PLCXD2: variants seen among roughly 807,000 people sequenced by gnomAD.
PLCXD2 encodes PI-PLC X domain-containing protein 2.
In PLCXD2, 21 loss-of-function variants were observed where a neutral mutation model predicts 28.6. That is an observed-to-expected ratio of 0.73 (90% CI 0.52 to 1.06). The LOEUF (loss-of-function observed/expected upper bound fraction) is 1.06, where lower values mean the gene tolerates loss of function less well. PLCXD2 is among the 50% of genes least tolerant of loss of function. The probability of loss-of-function intolerance (pLI) is 0.00; values close to 1 mark genes in which losing one functional copy is unlikely to be tolerated. For missense variants in PLCXD2, 369 were observed against 376.7 expected, an observed-to-expected ratio of 0.98 and a Z score of 0.17; for synonymous variants, 140 against 150.1, an observed-to-expected ratio of 0.93 and a Z score of 0.49.
chr3:111,726,086 C>T (rs953846813), intron 3 of PLCXD2: 15 of 387,948 alleles, frequency 3.9e-5, no homozygotes, highest in Non-Finnish European at 6.4e-5. Flanking sequence ...GGGACCAATA[C>T]TTAATTCAAA....
intron 3 of PLCXD2, among the ~76,000 whole-genome samples, chr3:111,718,499 A>G (rs1202049279): frequency 1.9e-5 from 2 of 105,524 alleles, no homozygotes; most frequent in African/African-American, 3.6e-5. Flanking sequence ...GATGATAGAT[A>G]GATAGATAGA....
At chr3:111,690,836 T>G (rs989305754) in intron 1 of PLCXD2, among the ~76,000 whole-genome samples, 1 of 152,224 alleles carries the variant, frequency 6.6e-6, no homozygotes, top group African/African-American at 2.4e-5. Context: ...TTAAAATAAC[T>G]CTGCCCTGTG....
chr3:111,691,232 G>T (rs900056726), intron 1 of PLCXD2: 23 of 152,208 alleles, frequency 1.5e-4, no homozygotes, highest in African/African-American at 5.5e-4. Flanking sequence ...TTATTTCTTT[G>T]CAATGATGAA....
intron 3 of PLCXD2, among the ~76,000 whole-genome samples, chr3:111,716,571 T>C (rs13086018): frequency 0.16 from 24,215 of 152,080 alleles, 2,296 homozygotes; most frequent in East Asian, 0.32. Flanking sequence ...CATGGCACTC[T>C]CACTGAAATC....
At position 111,694,357 on chromosome 3, in the gene PLCXD2, C is replaced by T. The variant is rs936268717; in HGVS notation, c.164-13569C>T. ...GTTGGTGCTCAGCAAACAGAAGATA[C>T]TCCAGCTACCAGTATTCACTGTGCT... is the stretch of plus-strand genomic sequence containing the variant. On this transcript the variant is annotated intron_variant, in intron 1 of 4. Coordinates refer to ENST00000477665, the MANE Select transcript of PLCXD2 (RefSeq NM_001185106.1). Among the ~76,000 whole-genome samples the T allele has an allele frequency of 4.6e-5, 7 of 152,212 alleles. No homozygotes were observed. The East Asian group carries it at 1.2e-3, about 25-fold the overall frequency.
chr3:111,686,175 T>C (rs111556147), intron 1 of PLCXD2, among the ~76,000 whole-genome samples: 19 of 152,310 alleles, frequency 1.2e-4, no homozygotes, highest in African/African-American at 4.6e-4. Context: ...GTCTAAAAAG[T>C]ACCCTGTAAA....
intron 1 of PLCXD2, among the ~76,000 whole-genome samples, chr3:111,683,188 A>ATT (rs1230973945): frequency 2.0e-5 from 3 of 152,216 alleles, no homozygotes; most frequent in Non-Finnish European, 4.4e-5. Context: ...TTGGACTTCC[A>ATT]AGAGCACCCT....
intron 1 of PLCXD2, among the ~76,000 whole-genome samples, chr3:111,689,533 T>A (rs1940844615): frequency 6.6e-6 from 1 of 152,256 alleles, no homozygotes; most frequent in Admixed American, 6.5e-5. Context: ...TCGCTTTGCC[T>A]CGCCAATTAC....
In PLCXD2 at chr3:111,710,098, G is replaced by A. The variant is rs78577599; in HGVS notation, c.624+1712G>A. ...TCAAGGATGAGTCCCAGGCTTGGCC[G>A]GAATAACTGGAAATACCAAGTTGTT... On this transcript the variant is annotated intron_variant, in intron 2 of 4. Transcript: ENST00000477665. Among the ~76,000 whole-genome samples, 434 of 152,238 alleles carry A rather than the reference G, an allele frequency of 2.9e-3. 2 individuals carry two copies. Among genetic ancestry groups the A allele is most frequent in the African/African-American group, 9.6e-3 (398 of 41,544 alleles).
Position 111,675,332 on chromosome 3 carries a change from G to A in PLCXD2, c.87G>A (p.Glu29=), listed in dbSNP as rs61757727. ...CCAGCGGGACAAAGACATCATCGGA[G>A]GTCTGCAATGCCGACTGGATGGCCT... is the stretch of plus-strand genomic sequence containing the variant. Residue 29 remains glutamate (E), a synonymous_variant, in exon 1 of 5, where the codon GAG becomes GAA. Coordinates refer to ENST00000477665, the MANE Select transcript of PLCXD2 (RefSeq NM_001185106.1). 2.3e-3 allele frequency: 3,712 copies of A among 1,614,070 alleles called. 16 individuals are homozygous for A. The highest frequency in any genetic ancestry group is 2.4e-3 in the Non-Finnish European group (2,864 of 1,179,986).
At position 111,678,041 on chromosome 3, in the gene PLCXD2, G is replaced by T. The variant is rs561360827; in HGVS notation, c.163+2633G>T. On this transcript the variant is annotated intron_variant, in intron 1 of 4. Coordinates refer to ENST00000477665, the MANE Select transcript of PLCXD2 (RefSeq NM_001185106.1). ...GGACTGGGTCAGATCTATCAGGATGGTGATGAGGCGGGGGACATGGGAAAG... is the reference window on the plus strand; with the variant it reads ...GGACTGGGTCAGATCTATCAGGATGTTGATGAGGCGGGGGACATGGGAAAG... 2.0e-5 allele frequency among the ~76,000 whole-genome samples: 3 copies of T among 152,308 alleles called. No individual in the cohort carries two copies. The East Asian group carries it at 5.8e-4, about 29-fold the overall frequency.
chr3:111,695,228 C>T (rs1012793775), intron 1 of PLCXD2, among the ~76,000 whole-genome samples: 13 of 149,066 alleles, frequency 8.7e-5, no homozygotes, highest in Non-Finnish European at 1.5e-4. Flanking sequence ...ATAGGGTCTT[C>T]TGGCTCTCCA....
At chr3:111,702,311 T>C (rs935957714) in intron 1 of PLCXD2, among the ~76,000 whole-genome samples, 2 of 151,872 alleles carry the variant, frequency 1.3e-5, no homozygotes, top group Non-Finnish European at 2.9e-5. Flanking sequence ...AAGAAGAATA[T>C]GGCCATTTGA....
At chr3:111,705,950 A>T (rs939466471) in intron 1 of PLCXD2, among the ~76,000 whole-genome samples, 4 of 152,014 alleles carry the variant, frequency 2.6e-5, no homozygotes, top group African/African-American at 7.2e-5. Context: ...CAACTTCCTG[A>T]TCTCAAGCAA....
At chr3:111,723,493 G>A (rs1189126227) in intron 3 of PLCXD2, 1 of 152,232 alleles carries the variant, frequency 6.6e-6, no homozygotes, top group Non-Finnish European at 1.5e-5. Flanking sequence ...CATGCACGGA[G>A]TCCTGCTCTG....
chr3:111,700,310 A>G (rs1941023328), intron 1 of PLCXD2, among the ~76,000 whole-genome samples: 1 of 152,250 alleles, frequency 6.6e-6, no homozygotes. Flanking sequence ...TGACTGTAAA[A>G]GAAAATAGGA....
chr3:111,700,358 G>A (rs1464739543), intron 1 of PLCXD2, among the ~76,000 whole-genome samples: 5 of 152,188 alleles, frequency 3.3e-5, no homozygotes, highest in Non-Finnish European at 7.3e-5. Context: ...GAAAGGATTA[G>A]AGAAAAGTCA....
intron 1 of PLCXD2, among the ~76,000 whole-genome samples, chr3:111,699,803 G>A (rs1314223259): frequency 1.3e-5 from 2 of 152,046 alleles, no homozygotes; most frequent in Non-Finnish European, 2.9e-5. Context: ...AGGAAACCAA[G>A]GCCTCCCAAT....
chr3:111,702,967 A>G (rs1271452145), intron 1 of PLCXD2, among the ~76,000 whole-genome samples: 1 of 152,206 alleles, frequency 6.6e-6, no homozygotes. Context: ...ATGGGGGGAC[A>G]TTGTTAGCCT....
Sources: allele counts gnomAD v4.1 joint callset (sites outside exome capture counted in the v4.1 genomes callset), GRCh38; gene constraint gnomAD v4.1.1; transcripts MANE v1.5; gene names NCBI Gene and HGNC (gene_info 2026-07-23, HGNC 2026-07-21).